The following IFT43 variants were observed in gnomAD, a reference collection of about 807,000 sequenced individuals.
IFT43 encodes intraflagellar transport protein 43 homolog.
IFT43 carries 33 observed loss-of-function variants against 32.3 expected under a neutral mutation model. The observed-to-expected ratio is 1.02, with a 90% CI of 0.77 to 1.37. The LOEUF (loss-of-function observed/expected upper bound fraction) is 1.37. Among genes scored for constraint, IFT43 ranks in the 40% most tolerant of loss-of-function variants. The pLI is 0.00. For synonymous variants in IFT43, 93 were observed against 98.2 expected, an observed-to-expected ratio of 0.95 and a Z score of 0.31; for missense variants, 274 against 265.9, an observed-to-expected ratio of 1.03 and a Z score of -0.21.
intron 2 of IFT43, among the ~76,000 whole-genome samples, chr14:76,014,740 C>G (rs1040631316): frequency 2.6e-5 from 4 of 152,144 alleles, no homozygotes; most frequent in African/African-American, 9.7e-5. Context: ...CTTATGCATG[C>G]TTATCAGAGC....
chr14:75,991,700 C>A (rs1259756746), intron 2 of IFT43, among the ~76,000 whole-genome samples: 1 of 152,054 alleles, frequency 6.6e-6, no homozygotes, highest in Admixed American at 6.6e-5. Context: ...TCAGTAATAC[C>A]TACTTATTTC....
chr14:76,029,092 G>A (rs1594828768), intron 3 of IFT43, among the ~76,000 whole-genome samples: 1 of 152,170 alleles, frequency 6.6e-6, no homozygotes, highest in South Asian at 2.1e-4. Context: ...CCAACAGTGT[G>A]TAAGCATTCC....
At chr14:76,050,930 A>G (rs2036902326) in intron 3 of IFT43, among the ~76,000 whole-genome samples, 1 of 151,892 alleles carries the variant, frequency 6.6e-6, no homozygotes, top group African/African-American at 2.4e-5. Flanking sequence ...GTGTATTTCA[A>G]CCTTTTTTCA....
intron 3 of IFT43, among the ~76,000 whole-genome samples, chr14:76,049,182 A>G (rs1245769841): frequency 2.6e-5 from 4 of 152,228 alleles, no homozygotes; most frequent in African/African-American, 9.6e-5. Flanking sequence ...TACTAGTCTC[A>G]GTCACCACAT....
chr14:75,997,020 C>T (rs1014294217), intron 2 of IFT43, among the ~76,000 whole-genome samples: 8 of 152,110 alleles, frequency 5.3e-5, no homozygotes, highest in Non-Finnish European at 8.8e-5. Flanking sequence ...AGAGTAAACA[C>T]GTTGAGCCCA....
intron 5 of IFT43, among the ~76,000 whole-genome samples, chr14:76,066,049 GCT>G (rs1376041016): frequency 6.6e-6 from 1 of 152,196 alleles, no homozygotes; most frequent in African/African-American, 2.4e-5. Context: ...TAGCCTCCAG[GCT>G]CTAACAAATG....
At chr14:76,078,141 A>G (rs1438421134) in intron 5 of IFT43, among the ~76,000 whole-genome samples, 5 of 152,226 alleles carry the variant, frequency 3.3e-5, no homozygotes, top group Non-Finnish European at 5.9e-5. Context: ...TTAAAAGGAC[A>G]TATGTGCTGT....
intron 2 of IFT43, among the ~76,000 whole-genome samples, chr14:75,999,281 A>ATATATATTTTTTTTTT (rs1566699821): frequency 2.6e-5 from 1 of 39,058 alleles, no homozygotes; most frequent in Non-Finnish European, 4.6e-5. Flanking sequence ...ATGTATATAT[A>ATATATATTTTTTTTTT]TTTTTTTTTT....
At chr14:76,002,252 AATAAAATAAATAAT>A (rs1339921862) in intron 2 of IFT43, among the ~76,000 whole-genome samples, 5 of 152,160 alleles carry the variant, frequency 3.3e-5, no homozygotes, top group Non-Finnish European at 5.9e-5. Flanking sequence ...TGTCTCAAAA[AATAAAATAAATAAT>A]AATCTCACAT....
At chr14:76,014,379 ATTGT>A (rs1459916865) in intron 2 of IFT43, among the ~76,000 whole-genome samples, 3 of 152,302 alleles carry the variant, frequency 2.0e-5, no homozygotes, top group South Asian at 2.1e-4. Context: ...TACATTTCAG[ATTGT>A]TTGTACTTAA....
chr14:76,047,624 G>A (rs1464608083), intron 3 of IFT43, among the ~76,000 whole-genome samples: 4 of 152,078 alleles, frequency 2.6e-5, no homozygotes, highest in Non-Finnish European at 4.4e-5. Flanking sequence ...AGAGAGTTTG[G>A]GTCAACTTTG....
At chr14:76,002,434 A>T (rs1332555451) in intron 2 of IFT43, among the ~76,000 whole-genome samples, 1 of 152,118 alleles carries the variant, frequency 6.6e-6, no homozygotes, top group Non-Finnish European at 1.5e-5. Context: ...AAGTGACACC[A>T]AGAAGGAAGT....
chr14:76,056,139 A>G (rs2037010427), intron 3 of IFT43, among the ~76,000 whole-genome samples: 2 of 152,248 alleles, frequency 1.3e-5, no homozygotes, highest in South Asian at 4.1e-4. Flanking sequence ...TCTGCAGGCT[A>G]GGTAAGGCTG....
At chr14:76,081,068 A>G (rs1566739528) in intron 5 of IFT43, among the ~76,000 whole-genome samples, 1 of 152,030 alleles carries the variant, frequency 6.6e-6, no homozygotes, top group Non-Finnish European at 1.5e-5. Flanking sequence ...CTCTTTTTCC[A>G]GGTACAACAT....
chr14:76,038,435 A>C (rs992187748), intron 3 of IFT43, among the ~76,000 whole-genome samples: 8 of 152,178 alleles, frequency 5.3e-5, no homozygotes, highest in Non-Finnish European at 2.9e-5. Context: ...TGGCTTTAGG[A>C]CCATGTGACA....
At position 76,067,360 on chromosome 14, in the gene IFT43, G is replaced by A. The variant is rs551765596; in HGVS notation, c.295+7987G>A. 2.2e-4 allele frequency among the ~76,000 whole-genome samples: 34 copies of A among 152,272 alleles called. 1 individual carries two copies. Among genetic ancestry groups the A allele is most frequent in the Admixed American group, 2.2e-3 (33 of 15,292 alleles). Reference sequence around the variant, plus strand: ...GTGGGTGGATCACCTGAGGTCAGGAGTTTGAGACCAACCTGGCCAACATGG... The same window carrying A: ...GTGGGTGGATCACCTGAGGTCAGGAATTTGAGACCAACCTGGCCAACATGG... On this transcript the variant is annotated intron_variant, in intron 5 of 8. Transcript: ENST00000314067.
intron 2 of IFT43, among the ~76,000 whole-genome samples, chr14:76,008,792 A>G (rs1290185517): frequency 6.6e-6 from 1 of 152,214 alleles, no homozygotes; most frequent in Non-Finnish European, 1.5e-5. Flanking sequence ...ATTTATACTG[A>G]ATGCAGCCTA....
chr14:76,027,781 A>T (rs1004261877), intron 3 of IFT43, among the ~76,000 whole-genome samples: 4 of 151,692 alleles, frequency 2.6e-5, no homozygotes, highest in Non-Finnish European at 5.9e-5. Flanking sequence ...TACCTAAGAC[A>T]TTTCATAGTG....
intron 5 of IFT43, among the ~76,000 whole-genome samples, chr14:76,071,917 C>A (rs777450077): frequency 2.6e-5 from 4 of 152,072 alleles, no homozygotes; most frequent in East Asian, 3.9e-4. Flanking sequence ...CCTAACCCCC[C>A]CTGCTCACAG....
Sources: gnomAD v4.1 joint callset for allele counts (sites outside exome capture counted in the v4.1 genomes callset) on GRCh38, gnomAD v4.1.1 for gene constraint, MANE v1.5 for transcripts, NCBI Gene and HGNC (gene_info 2026-07-23, HGNC 2026-07-21) for gene names.